Variants in CNTN5 observed in about 807,000 individuals in gnomAD.
The protein encoded by CNTN5 is contactin 5.
A neutral mutation model predicts 129.1 loss-of-function variants in CNTN5; 77 were observed. The ratio of observed to expected loss-of-function variants is 0.60; its 90% CI spans 0.50 to 0.72. The LOEUF (loss-of-function observed/expected upper bound fraction) is 0.72, where lower values mean the gene tolerates loss of function less well. Ranked by LOEUF, CNTN5 falls within the 30% of genes least tolerant of loss-of-function variation. The probability of loss-of-function intolerance (pLI) is 0.00; values close to 1 mark genes in which losing one functional copy is unlikely to be tolerated. For synonymous variants in CNTN5, 509 were observed against 465.6 expected, an observed-to-expected ratio of 1.09 and a Z score of -1.20; for missense variants, 1,478 against 1,328.8, an observed-to-expected ratio of 1.11 and a Z score of -1.75.
chr11:99,826,857 A>G (rs946616991), intron 4 of CNTN5, among the ~76,000 whole-genome samples: 1 of 152,164 alleles, frequency 6.6e-6, no homozygotes, highest in African/African-American at 2.4e-5. Flanking sequence ...GCAGATTTAA[A>G]ATAATAATAA....
intron 1 of CNTN5, among the ~76,000 whole-genome samples, chr11:99,029,883 A>G (rs1274092661): frequency 2.0e-5 from 3 of 152,200 alleles, no homozygotes; most frequent in Non-Finnish European, 4.4e-5. Context: ...ATTATAATCA[A>G]TGAATTTAAA....
intron 3 of CNTN5, among the ~76,000 whole-genome samples, chr11:99,613,331 G>T (rs76878200): frequency 6.6e-6 from 1 of 152,218 alleles, no homozygotes; most frequent in African/African-American, 2.4e-5. Context: ...GCTTCGCTGG[G>T]CCTGTCTTCT....
intron 1 of CNTN5, among the ~76,000 whole-genome samples, chr11:99,106,438 CTACAT>C (rs1258628526): frequency 6.6e-6 from 1 of 150,992 alleles, no homozygotes; most frequent in African/African-American, 2.5e-5. Context: ...TTGTTACAGA[CTACAT>C]TAATTAATAT....
At position 100,191,133 on chromosome 11, in the gene CNTN5, A is replaced by G. The variant is rs11223168; in HGVS notation, c.1588A>G (p.Ile530Val). The change falls in exon 14 of 25, where the codon ATT (isoleucine) becomes GTT (valine). Residue 530 changes from isoleucine to valine, a missense_variant. By Grantham distance (29) the Ile-to-Val change is conservative. Coordinates refer to ENST00000524871, the MANE Select transcript of CNTN5 (RefSeq NM_014361.4). ...RAVRENKRIA[I>V]LPDGSLRILN... The stretch of plus-strand genomic sequence containing the variant: ...TTTTTAAATAATTTTCAGAATAGCT[A>G]TTCTTCCAGACGGGAGTCTACGGAT... The G allele has an allele frequency of 0.077, 122,022 of 1,584,996 alleles. 5,091 individuals carry two copies. Among genetic ancestry groups the G allele is most frequent in the African/African-American group, 0.11 (7,953 of 73,252 alleles).
At chr11:100,349,849 G>A (rs988794296) in intron 23 of CNTN5, among the ~76,000 whole-genome samples, 1 of 151,718 alleles carries the variant, frequency 6.6e-6, no homozygotes, top group Admixed American at 6.6e-5. Flanking sequence ...CTGAAGTGAT[G>A]ATCAAATATA....
intron 9 of CNTN5, among the ~76,000 whole-genome samples, chr11:100,014,924 G>A (rs1291891629): frequency 6.6e-6 from 1 of 152,108 alleles, no homozygotes; most frequent in Non-Finnish European, 1.5e-5. Flanking sequence ...CCCATCATCA[G>A]CCTACATAAG....
chr11:99,619,807 A>G (rs1052066243), intron 3 of CNTN5, among the ~76,000 whole-genome samples: 1 of 152,026 alleles, frequency 6.6e-6, no homozygotes, highest in Non-Finnish European at 1.5e-5. Context: ...CGGGCGGATC[A>G]CAAGGTCAGG....
At chr11:99,688,707 A>G (rs2134764293) in intron 3 of CNTN5, among the ~76,000 whole-genome samples, 1 of 152,202 alleles carries the variant, frequency 6.6e-6, no homozygotes, top group Admixed American at 6.5e-5. Flanking sequence ...CCCATCACCG[A>G]GGTATTAATC....
At chr11:99,816,856 A>G (rs561450815) in intron 3 of CNTN5, among the ~76,000 whole-genome samples, 6 of 152,166 alleles carry the variant, frequency 3.9e-5, no homozygotes, top group Non-Finnish European at 8.8e-5. Flanking sequence ...TCCACCAAGC[A>G]GGCCATGGTG....
chr11:99,570,132 TAAA>T (rs11307877), intron 3 of CNTN5, among the ~76,000 whole-genome samples: 1 of 138,982 alleles, frequency 7.2e-6, no homozygotes, highest in African/African-American at 2.6e-5. Context: ...AAGGTTACTT[TAAA>T]AAAAAAAAAA....
intron 1 of CNTN5, among the ~76,000 whole-genome samples, chr11:99,100,706 G>A (rs180951650): frequency 7.9e-5 from 12 of 152,022 alleles, no homozygotes; most frequent in East Asian, 1.9e-4. Context: ...TCCATAATAC[G>A]TTTTTAAACT....
intron 2 of CNTN5, among the ~76,000 whole-genome samples, chr11:99,379,178 T>G: frequency 1.2e-4 from 1 of 8,670 alleles, no homozygotes; most frequent in East Asian, 2.3e-3. Flanking sequence ...ATAATTTTGT[T>G]TCTTTTTTTT....
chr11:99,156,401 A>G (rs1343306285), intron 1 of CNTN5, among the ~76,000 whole-genome samples: 3 of 152,074 alleles, frequency 2.0e-5, no homozygotes, highest in African/African-American at 7.2e-5. Context: ...AAGATTAATT[A>G]TCACTCATTT....
intron 9 of CNTN5, among the ~76,000 whole-genome samples, chr11:100,020,065 T>G (rs1415680439): frequency 6.6e-6 from 1 of 152,060 alleles, no homozygotes; most frequent in African/African-American, 2.4e-5. Flanking sequence ...TTTGCAAATA[T>G]TTTCTCCCAT....
chr11:99,320,886 C>T (rs12576370), intron 1 of CNTN5, among the ~76,000 whole-genome samples: 14,865 of 152,026 alleles, frequency 0.098, 1,572 homozygotes, highest in East Asian at 0.46. Flanking sequence ...GTCAGTTAAC[C>T]GTGTAAAGTA....
chr11:99,808,248 G>A (rs1489787658), intron 3 of CNTN5, among the ~76,000 whole-genome samples: 1 of 152,012 alleles, frequency 6.6e-6, no homozygotes, highest in Non-Finnish European at 1.5e-5. Context: ...TGTGGACACT[G>A]ATGATGAGAG....
chr11:99,674,300 G>GA (rs1953176461), intron 3 of CNTN5, among the ~76,000 whole-genome samples: 8 of 9,062 alleles, frequency 8.8e-4, no homozygotes, highest in Admixed American at 2.3e-3. Context: ...ACCTTTTGAT[G>GA]GTTTTTTTTT....
chr11:99,640,025 C>T (rs1312610288), intron 3 of CNTN5, among the ~76,000 whole-genome samples: 1 of 152,100 alleles, frequency 6.6e-6, no homozygotes, highest in Non-Finnish European at 1.5e-5. Context: ...CTTCAGCTCC[C>T]AGGAAGTTTC....
chr11:100,026,717 T>C (rs2137590834), intron 9 of CNTN5, among the ~76,000 whole-genome samples: 1 of 152,312 alleles, frequency 6.6e-6, no homozygotes, highest in African/African-American at 2.4e-5. Context: ...GGCCCATTTT[T>C]TTAGTCAGAT....
Sources: gnomAD v4.1 joint callset for allele counts (sites outside exome capture counted in the v4.1 genomes callset) on GRCh38, gnomAD v4.1.1 for gene constraint, MANE v1.5 for transcripts, NCBI Gene and HGNC (gene_info 2026-07-23, HGNC 2026-07-21) for gene names.